PRKN: variants seen among roughly 807,000 people sequenced by gnomAD.
PRKN encodes the protein E3 ubiquitin-protein ligase parkin.
PRKN carries 56 observed loss-of-function variants against 59.5 expected under a neutral mutation model. The ratio of observed to expected loss-of-function variants is 0.94; its 90% CI spans 0.76 to 1.18. The LOEUF is 1.18. Among genes scored for constraint, PRKN ranks in the 50% most tolerant of loss-of-function variants. The pLI is 0.00. For missense variants in PRKN, 657 were observed against 596.4 expected, an observed-to-expected ratio of 1.10 and a Z score of -1.06; for synonymous variants, 250 against 222.1, an observed-to-expected ratio of 1.13 and a Z score of -1.12.
intron 4 of PRKN, among the ~76,000 whole-genome samples, chr6:162,128,373 C>A (rs969752155): frequency 6.6e-6 from 1 of 152,066 alleles, no homozygotes. Flanking sequence ...TGAAGATACA[C>A]TATATATATT....
intron 7 of PRKN, among the ~76,000 whole-genome samples, chr6:161,703,289 C>T (rs1786330596): frequency 1.3e-5 from 2 of 152,206 alleles, no homozygotes; most frequent in East Asian, 3.9e-4. Context: ...CAGAGCAAGA[C>T]CTTGTCTCTA....
chr6:162,513,181 CA>C (rs887799650), intron 1 of PRKN, among the ~76,000 whole-genome samples: 12 of 151,806 alleles, frequency 7.9e-5, no homozygotes, highest in African/African-American at 2.9e-4. Flanking sequence ...GGCAAGGAGA[CA>C]AAAAAAGGCA....
chr6:162,072,883 G>A (rs1300740784), intron 4 of PRKN, among the ~76,000 whole-genome samples: 3 of 152,274 alleles, frequency 2.0e-5, no homozygotes, highest in Non-Finnish European at 2.9e-5. Context: ...GTGAATATTC[G>A]ATAAACGTTA....
chr6:161,404,865 C>T (rs1645983859), intron 9 of PRKN, among the ~76,000 whole-genome samples: 2 of 152,130 alleles, frequency 1.3e-5, no homozygotes, highest in Non-Finnish European at 1.5e-5. Flanking sequence ...TCTTTCAAGT[C>T]GGTAGCAACA....
At chr6:161,645,538 T>A (rs1439617761) in intron 7 of PRKN, among the ~76,000 whole-genome samples, 1 of 152,254 alleles carries the variant, frequency 6.6e-6, no homozygotes, top group Non-Finnish European at 1.5e-5. Context: ...CTTACTAAAA[T>A]TTTTTATAGA....
chr6:162,254,908 T>C (rs1209850419), intron 3 of PRKN, among the ~76,000 whole-genome samples: 1 of 152,012 alleles, frequency 6.6e-6, no homozygotes, highest in Non-Finnish European at 1.5e-5. Context: ...CATACATCAT[T>C]CAGGGCTGGA....
intron 2 of PRKN, among the ~76,000 whole-genome samples, chr6:162,409,542 C>T (rs963939087): frequency 4.6e-5 from 7 of 152,046 alleles, no homozygotes; most frequent in African/African-American, 1.7e-4. Context: ...CATGAAATTG[C>T]CAATTTTGTA....
At chr6:161,450,797 T>C (rs112714106) in intron 9 of PRKN, among the ~76,000 whole-genome samples, 397 of 152,286 alleles carry the variant, frequency 2.6e-3, no homozygotes, top group African/African-American at 9.1e-3. Context: ...CCTCGTGATC[T>C]GCCCACCCTG....
chr6:162,454,869 C>A (rs576760140), intron 1 of PRKN, among the ~76,000 whole-genome samples: 2 of 152,328 alleles, frequency 1.3e-5, no homozygotes, highest in South Asian at 4.1e-4. Context: ...GAACGGGGAG[C>A]CTCTTTTAAC....
chr6:162,034,929 G>A (rs569220438), intron 5 of PRKN, among the ~76,000 whole-genome samples: 1 of 152,284 alleles, frequency 6.6e-6, no homozygotes, highest in African/African-American at 2.4e-5. Flanking sequence ...TAGTCCTTTT[G>A]CATTGCTATA....
chr6:161,885,387 CGGG>C (rs1393126263), intron 6 of PRKN, among the ~76,000 whole-genome samples: 4 of 152,000 alleles, frequency 2.6e-5, no homozygotes, highest in Non-Finnish European at 5.9e-5. Flanking sequence ...ATGTCTGGGC[CGGG>C]TGCGGTGGCT....
intron 1 of PRKN, among the ~76,000 whole-genome samples, chr6:162,453,701 G>A (rs996003721): frequency 6.6e-6 from 1 of 152,224 alleles, no homozygotes; most frequent in African/African-American, 2.4e-5. Context: ...TCAGGAGTTC[G>A]AGACCAGCCT....
intron 6 of PRKN, among the ~76,000 whole-genome samples, chr6:161,791,491 A>T (rs981747409): frequency 6.6e-6 from 1 of 152,162 alleles, no homozygotes; most frequent in Non-Finnish European, 1.5e-5. Context: ...GCCCTCCTTC[A>T]CACACTCTCT....
chr6:162,204,442 C>CTGCCTTCCTGG (rs1784851041), intron 3 of PRKN, among the ~76,000 whole-genome samples: 2 of 152,122 alleles, frequency 1.3e-5, no homozygotes, highest in South Asian at 4.1e-4. Context: ...CATCGTGTGA[C>CTGCCTTCCTGG]ACTGTACTTC....
chr6:161,623,166 C>A (rs1303902500), intron 7 of PRKN, among the ~76,000 whole-genome samples: 2 of 152,174 alleles, frequency 1.3e-5, no homozygotes, highest in South Asian at 2.1e-4. Context: ...ATGGGTGAGT[C>A]CACTGAGGGC....
chr6:161,585,547 C>T (rs1262669864), intron 7 of PRKN, among the ~76,000 whole-genome samples: 3 of 152,202 alleles, frequency 2.0e-5, no homozygotes, highest in African/African-American at 7.2e-5. Context: ...TTTTGTGTAT[C>T]TAACAATTAA....
chr6:162,005,685 T>C (rs1043055415), intron 5 of PRKN, among the ~76,000 whole-genome samples: 10 of 152,130 alleles, frequency 6.6e-5, no homozygotes, highest in Non-Finnish European at 1.5e-4. Flanking sequence ...AAAAGCTCCT[T>C]AGGCTCAGTT....
chr6:161,836,153 G>C (rs947691708), intron 6 of PRKN, among the ~76,000 whole-genome samples: 1 of 152,106 alleles, frequency 6.6e-6, no homozygotes, highest in African/African-American at 2.4e-5. Context: ...AGCTTTGGGG[G>C]TGCTAAATCT....
At chr6:161,903,988 G>A (rs956525779) in intron 6 of PRKN, among the ~76,000 whole-genome samples, 2 of 151,766 alleles carry the variant, frequency 1.3e-5, no homozygotes, top group African/African-American at 4.8e-5. Flanking sequence ...GCAGAGTGCA[G>A]ACTGTCCCCA....
Sources: allele counts gnomAD v4.1 joint callset (sites outside exome capture counted in the v4.1 genomes callset), GRCh38; gene constraint gnomAD v4.1.1; transcripts MANE v1.5; gene names NCBI Gene and HGNC (gene_info 2026-07-23, HGNC 2026-07-21).